The following LDB2 variants were observed in gnomAD, a reference collection of about 807,000 sequenced individuals.
LDB2 encodes LIM domain-binding protein 2.
LDB2 carries 12 observed loss-of-function variants against 44.3 expected under a neutral mutation model. The ratio of observed to expected loss-of-function variants is 0.27; its 90% confidence interval spans 0.17 to 0.44. The LOEUF (loss-of-function observed/expected upper bound fraction) is 0.44, where lower values mean the gene tolerates loss of function less well. Ranked by LOEUF, LDB2 falls within the 20% of genes least tolerant of loss-of-function variation. The probability of loss-of-function intolerance (pLI) is 1.00; values close to 1 mark genes in which losing one functional copy is unlikely to be tolerated. For missense variants in LDB2, 344 were observed against 473.5 expected (o/e 0.73, Z 2.54); for synonymous variants, 164 against 174.8 (o/e 0.94, Z 0.49).
chr4:16,638,418 G>T (rs1014903804), intron 2 of LDB2, among the ~76,000 whole-genome samples: 7 of 152,130 alleles, frequency 4.6e-5, no homozygotes, highest in Non-Finnish European at 8.8e-5. Flanking sequence ...ATGAACGTAC[G>T]AATAGAGCTT....
At chr4:16,552,652 G>T (rs747397750) in intron 5 of LDB2, among the ~76,000 whole-genome samples, 1 of 152,052 alleles carries the variant, frequency 6.6e-6, no homozygotes, top group South Asian at 2.1e-4. Context: ...CAAAGTTCCC[G>T]GAAGCTGACT....
intron 2 of LDB2, among the ~76,000 whole-genome samples, chr4:16,706,926 A>G (rs770736703): frequency 6.6e-5 from 10 of 152,146 alleles, no homozygotes; most frequent in Non-Finnish European, 1.2e-4. Flanking sequence ...CCTTTGTTCC[A>G]TCTACCTTTA....
intron 2 of LDB2, among the ~76,000 whole-genome samples, chr4:16,750,212 C>T (rs1317178930): frequency 6.6e-6 from 1 of 152,158 alleles, no homozygotes; most frequent in Non-Finnish European, 1.5e-5. Context: ...TTATGCTGTA[C>T]ATTAGGTCTC....
At chr4:16,635,245 C>A (rs1421572709) in intron 2 of LDB2, among the ~76,000 whole-genome samples, 1 of 151,594 alleles carries the variant, frequency 6.6e-6, no homozygotes, top group Non-Finnish European at 1.5e-5. Context: ...ACCTATGTAA[C>A]AAAACTGCAT....
chr4:16,693,048 C>A (rs2152606196), intron 2 of LDB2, among the ~76,000 whole-genome samples: 1 of 152,274 alleles, frequency 6.6e-6, no homozygotes, highest in South Asian at 2.1e-4. Context: ...ACCAGGTCCC[C>A]TGTAATTCTC....
chr4:16,542,478 C>T (rs898711155), intron 5 of LDB2, among the ~76,000 whole-genome samples: 3 of 152,014 alleles, frequency 2.0e-5, no homozygotes, highest in South Asian at 2.1e-4. Context: ...TCCCATAGGC[C>T]GGAGGGAGGG....
chr4:16,685,394 T>G (rs917010796), intron 2 of LDB2, among the ~76,000 whole-genome samples: 1 of 152,130 alleles, frequency 6.6e-6, no homozygotes, highest in East Asian at 1.9e-4. Context: ...TTGTTTTGTT[T>G]TTTGTTTTTT....
In LDB2 at chr4:16,522,390, T is replaced by C. The variant is rs189254619; in HGVS notation, c.616-10286A>G. Among the ~76,000 whole-genome samples, 16 of 151,688 alleles carry C rather than the reference T, an allele frequency of 1.1e-4. No homozygotes were observed. The East Asian group carries it at 2.7e-3, about 26-fold the overall frequency. On this transcript the variant is annotated intron_variant, in intron 5 of 7. Coordinates refer to ENST00000304523, the MANE Select transcript of LDB2 (RefSeq NM_001290.5). ...AAAATATTGAAAAAATAATGGATGG[T>C]TGTGTCAATACTGAATATGTACAGA...
chr4:16,725,938 CATT>C (rs1278641520), intron 2 of LDB2, among the ~76,000 whole-genome samples: 1 of 147,668 alleles, frequency 6.8e-6, no homozygotes, highest in Non-Finnish European at 1.5e-5. Flanking sequence ...TATAAATATA[CATT>C]ATATGTATAT....
intron 1 of LDB2, among the ~76,000 whole-genome samples, chr4:16,815,071 T>C (rs906887354): frequency 1.3e-5 from 2 of 152,224 alleles, no homozygotes; most frequent in African/African-American, 4.8e-5. Flanking sequence ...ACTCTGAAAA[T>C]AATCACAAAG....
intron 2 of LDB2, among the ~76,000 whole-genome samples, chr4:16,675,824 A>G (rs1272515669): frequency 6.6e-6 from 1 of 152,218 alleles, no homozygotes; most frequent in African/African-American, 2.4e-5. Context: ...AATGTGTTGA[A>G]ACATAAAAAT....
At chr4:16,890,974 C>A (rs956220984) in intron 1 of LDB2, among the ~76,000 whole-genome samples, 1 of 152,148 alleles carries the variant, frequency 6.6e-6, no homozygotes, top group Non-Finnish European at 1.5e-5. Context: ...GTTGGAAGTT[C>A]TTTCCCCTTT....
In LDB2 at chr4:16,739,713, T is replaced by TGTATATATACATATATGTGTATATAC. The variant is rs1762809143; in HGVS notation, c.235+19419_235+19444dup. On this transcript the variant is annotated intron_variant, in intron 2 of 7. Coordinates refer to ENST00000304523, the MANE Select transcript of LDB2 (RefSeq NM_001290.5). ...GTATATATACATATATGTGTATATATGTATATATACATATATGTGTATATA... is the reference window on the plus strand; with the variant it reads ...GTATATATACATATATGTGTATATATGTATATATACATATATGTGTATATACGTATATATACATATATGTGTATATA... Among the ~76,000 whole-genome samples, 2 of 97,422 alleles carry TGTATATATACATATATGTGTATATAC rather than the reference T, an allele frequency of 2.1e-5. 1 individual carries two copies. Among genetic ancestry groups the TGTATATATACATATATGTGTATATAC allele is most frequent in the South Asian group, 5.9e-4 (2 of 3,376 alleles). The allele number at this position is 97,422 out of a possible 152,430, so 63.9% of individuals were successfully genotyped here.
intron 5 of LDB2, among the ~76,000 whole-genome samples, chr4:16,565,053 A>G (rs1371182342): frequency 6.6e-6 from 1 of 152,186 alleles, no homozygotes; most frequent in African/African-American, 2.4e-5. Flanking sequence ...CAGTAAAAGG[A>G]GTGGATTTTT....
At chr4:16,821,084 G>T (rs1376363007) in intron 1 of LDB2, among the ~76,000 whole-genome samples, 2 of 151,998 alleles carry the variant, frequency 1.3e-5, no homozygotes, top group African/African-American at 2.4e-5. Context: ...ATTATTTTTT[G>T]ACAGTAGAGA....
At chr4:16,763,453 C>CACACACACAA (rs2109261065) in intron 1 of LDB2, among the ~76,000 whole-genome samples, 1 of 151,682 alleles carries the variant, frequency 6.6e-6, no homozygotes, top group African/African-American at 2.4e-5. Flanking sequence ...CACACACACA[C>CACACACACAA]ACACACACAC....
intron 5 of LDB2, among the ~76,000 whole-genome samples, chr4:16,570,399 C>T (rs1326694892): frequency 7.9e-6 from 1 of 127,032 alleles, no homozygotes; most frequent in Non-Finnish European, 1.6e-5. Context: ...GGAGGCGGAG[C>T]TTGCAGTGAG....
intron 2 of LDB2, among the ~76,000 whole-genome samples, chr4:16,748,141 G>A (rs534163896): frequency 3.3e-5 from 5 of 152,288 alleles, no homozygotes; most frequent in South Asian, 2.1e-4. Context: ...AGGCTCCCAG[G>A]TGACCTTATG....
chr4:16,620,754 A>G (rs1010100449), intron 2 of LDB2, among the ~76,000 whole-genome samples: 1 of 152,184 alleles, frequency 6.6e-6, no homozygotes, highest in Admixed American at 6.5e-5. Flanking sequence ...CAGCTTCTCC[A>G]AGGGGAGCCT....
Sources: allele counts gnomAD v4.1 joint callset (sites outside exome capture counted in the v4.1 genomes callset), GRCh38; gene constraint gnomAD v4.1.1; transcripts MANE v1.5; gene names NCBI Gene and HGNC (gene_info 2026-07-23, HGNC 2026-07-21).